The following TG variants were observed in gnomAD, a reference collection of about 807,000 sequenced individuals.
TG encodes thyroid hormones.
In TG, 270 loss-of-function variants were observed where a neutral mutation model predicts 324.7. The ratio of observed to expected loss-of-function variants is 0.83; its 90% CI spans 0.75 to 0.92. TG has a LOEUF of 0.92. Among genes scored for constraint, TG ranks in the 40% least tolerant of loss-of-function variants. The probability of loss-of-function intolerance (pLI) is 0.00; values close to 1 mark genes in which losing one functional copy is unlikely to be tolerated. For synonymous variants in TG, 1,401 were observed against 1,327.0 expected (o/e 1.06, Z -1.21); for missense variants, 3,591 against 3,456.4 (o/e 1.04, Z -0.98).
chr8:132,927,292 A>G (rs1314015504), intron 22 of TG, among the ~76,000 whole-genome samples: 1 of 148,914 alleles, frequency 6.7e-6, no homozygotes, highest in Non-Finnish European at 1.5e-5. Flanking sequence ...CCCTCCATCC[A>G]TTCAATATAC....
At chr8:132,949,349 G>C (rs891918352) in intron 27 of TG, among the ~76,000 whole-genome samples, 1 of 152,214 alleles carries the variant, frequency 6.6e-6, no homozygotes, top group Non-Finnish European at 1.5e-5. Flanking sequence ...AATAAGCAAG[G>C]CCTCTGTTGG....
chr8:133,038,778 A>G, intron 41 of TG: 4 of 1,351,382 alleles, frequency 3.0e-6, no homozygotes, highest in Non-Finnish European at 3.2e-6. Context: ...AGGGAAAAAA[A>G]GAGAGTCATA....
rs1817483139 is a variant in TG at position 132,898,678 on chromosome 8, C to T, written c.3218-120C>T. 3.7e-6 allele frequency: 3 copies of T among 802,176 alleles called. No homozygotes were observed. In the South Asian group the frequency reaches 4.3e-5, roughly 12 times the overall value. The allele number at this position is 802,176 out of a possible 1,614,324, so 49.7% of individuals were successfully genotyped here. On this transcript the variant is annotated intron_variant, in intron 13 of 47. Transcript: ENST00000220616. ...CTTTGTCCTCAGAGATTCTACCTCT[C>T]TATGAAGAGCACCTGCATTCACCCA...
chr8:133,040,330 G>C, intron 41 of TG: 1 of 600,792 alleles, frequency 1.7e-6, no homozygotes, highest in Non-Finnish European at 2.9e-6. Context: ...AGCGTGCCCT[G>C]GTATACTCTG....
Position 133,131,800 on chromosome 8 carries a change from C to T in TG, c.7863-12C>T. 6.2e-7 allele frequency: 1 copy of T among 1,614,146 alleles called. No homozygotes were observed. Among genetic ancestry groups the T allele is most frequent in the Non-Finnish European group, 8.5e-7 (1 of 1,180,012 alleles). ...TTGACCTTTTGCTGCTGCTTTTCCT[C>T]TGTTTTCTCAGCCTGGAGCTGCTGG... On this transcript the variant is annotated splice_polypyrimidine_tract_variant and intron_variant, in intron 45 of 47. Transcript: ENST00000220616.
intron 41 of TG, among the ~76,000 whole-genome samples, chr8:133,064,924 GA>G (rs1331610399): frequency 1.3e-5 from 2 of 152,132 alleles, no homozygotes; most frequent in Admixed American, 6.5e-5. Context: ...GAGACAAATT[GA>G]GGAAGTCCAA....
intron 23 of TG, among the ~76,000 whole-genome samples, chr8:132,929,837 A>G (rs1205384722): frequency 6.6e-6 from 1 of 152,250 alleles, no homozygotes; most frequent in Non-Finnish European, 1.5e-5. Flanking sequence ...GAAATAAAAA[A>G]TATTAAAAAA....
Position 132,933,638 on chromosome 8 carries a change from T to C in TG, c.4894T>C (p.Trp1632Arg). 1 of 1,614,164 alleles carries C rather than the reference T, an allele frequency of 6.2e-7. No homozygotes were observed. The highest frequency in any genetic ancestry group is 8.5e-7 in the Non-Finnish European group (1 of 1,180,042). Residue 1632 changes from tryptophan to arginine, a missense_variant, in exon 24 of 48, where the codon TGG becomes CGG. Transcript: ENST00000220616. ...EPEISCDFYA[W>R]TSDNVACMTS... Reference sequence around the variant, plus strand: ...AGAGATTTCCTGTGATTTCTATGCTTGGACAAGTGACAATGTTGCCTGCAT... The same window carrying C: ...AGAGATTTCCTGTGATTTCTATGCTCGGACAAGTGACAATGTTGCCTGCAT...
At chr8:132,868,748 TTTC>T (rs1839205126) in intron 2 of TG, among the ~76,000 whole-genome samples, 1 of 152,100 alleles carries the variant, frequency 6.6e-6, no homozygotes, top group Non-Finnish European at 1.5e-5. Flanking sequence ...CTGAAAGGGG[TTTC>T]TCCAGCTGCC....
intron 8 of TG, among the ~76,000 whole-genome samples, chr8:132,884,211 T>C (rs1815067433): frequency 6.6e-6 from 1 of 152,234 alleles, no homozygotes; most frequent in Non-Finnish European, 1.5e-5. Flanking sequence ...TCTGTGGTTC[T>C]GGGAAGAGCA....
chr8:133,134,014 T>A (rs1243586052), intron 47 of TG, among the ~76,000 whole-genome samples: 1 of 152,188 alleles, frequency 6.6e-6, no homozygotes, highest in African/African-American at 2.4e-5. Context: ...TCACAGTCCT[T>A]GAAGTCCTAG....
intron 43 of TG, among the ~76,000 whole-genome samples, chr8:133,104,411 T>C (rs1448611977): frequency 6.6e-6 from 1 of 152,192 alleles, no homozygotes; most frequent in Non-Finnish European, 1.5e-5. Flanking sequence ...GAGATCAGAT[T>C]GGGCTCTATT....
intron 41 of TG, among the ~76,000 whole-genome samples, chr8:133,085,787 G>T (rs542283746): frequency 6.6e-6 from 1 of 152,038 alleles, no homozygotes; most frequent in Admixed American, 6.5e-5. Context: ...AAAATAATGC[G>T]GCCACTTTGA....
chr8:133,043,259 G>A (rs1018004918), intron 41 of TG, among the ~76,000 whole-genome samples: 4 of 152,082 alleles, frequency 2.6e-5, no homozygotes, highest in African/African-American at 7.2e-5. Context: ...TAGCCTCATG[G>A]CCTCATGGTC....
At chr8:133,049,943 C>T in intron 41 of TG, 1 of 1,613,848 alleles carries the variant, frequency 6.2e-7, no homozygotes, top group Non-Finnish European at 8.5e-7. Flanking sequence ...GGATGTAACT[C>T]TCTCGACCAG....
chr8:132,897,115 A>ACGAGGGCAGCTGATGTCAAT (rs1182093053), intron 11 of TG, among the ~76,000 whole-genome samples: 3 of 152,212 alleles, frequency 2.0e-5, no homozygotes, highest in African/African-American at 4.8e-5. Flanking sequence ...AGGGAAACCT[A>ACGAGGGCAGCTGATGTCAAT]CGAGGGCAGC....
intron 34 of TG, among the ~76,000 whole-genome samples, chr8:132,974,191 A>G (rs1177063665): frequency 6.6e-6 from 1 of 151,772 alleles, no homozygotes; most frequent in African/African-American, 2.4e-5. Context: ...ATGGGATTTC[A>G]CCATGTTAGC....
intron 45 of TG, among the ~76,000 whole-genome samples, chr8:133,119,715 G>C (rs554204052): frequency 1.3e-5 from 2 of 152,268 alleles, no homozygotes. Flanking sequence ...TAAATATTCA[G>C]AGCATAGCAG....
At chr8:133,105,572 G>A (rs140381700) in intron 43 of TG, among the ~76,000 whole-genome samples, 19 of 152,306 alleles carry the variant, frequency 1.2e-4, no homozygotes, top group African/African-American at 1.9e-4. Flanking sequence ...ATTGTGCCTA[G>A]GTTGAGTTTG....
Sources: allele counts gnomAD v4.1 joint callset (sites outside exome capture counted in the v4.1 genomes callset), GRCh38; gene constraint gnomAD v4.1.1; transcripts MANE v1.5; gene names NCBI Gene and HGNC (gene_info 2026-07-23, HGNC 2026-07-21).